Variants in VPS36 observed in about 807,000 individuals in gnomAD.
VPS36 encodes the protein vacuolar protein-sorting-associated protein 36.
VPS36 carries 31 observed loss-of-function variants against 63.5 expected under a neutral mutation model. The observed-to-expected ratio is 0.49, with a 90% confidence interval of 0.37 to 0.66. The LOEUF (loss-of-function observed/expected upper bound fraction) is 0.66, where lower values mean the gene tolerates loss of function less well. Among genes scored for constraint, VPS36 ranks in the 30% least tolerant of loss-of-function variants. VPS36 has a pLI of 0.00. For missense variants in VPS36, 338 were observed against 463.7 expected, an observed-to-expected ratio of 0.73 and a Z score of 2.49; for synonymous variants, 138 against 157.2, an observed-to-expected ratio of 0.88 and a Z score of 0.91.
At position 52,433,626 on chromosome 13, in the gene VPS36, G is replaced by A. The variant is rs754553944; in HGVS notation, c.528+36C>T. On this transcript the variant is annotated intron_variant, in intron 6 of 13. Transcript: ENST00000378060. ...GTATCTAAAAGAATAGACACAAATG[G>A]CTGGAATAGATGGAGAGCCAGAATT... The A allele has an allele frequency of 5.3e-6, 8 of 1,501,586 alleles. No individual in the cohort carries two copies. The South Asian group carries it at 5.8e-5, about 11-fold the overall frequency. 93.0% of individuals were successfully genotyped at this position (1,501,586 alleles called of 1,614,324 possible).
At position 52,439,819 on chromosome 13, in the gene VPS36, C is replaced by A. The variant is rs114359701; in HGVS notation, c.166-651G>T. ...TCGTAATATTTTCTTACACTGAAAG[C>A]AAAAAACAAATCAGATACATCAAGA... On this transcript the variant is annotated intron_variant, in intron 2 of 13. Transcript: ENST00000378060. Among the ~76,000 whole-genome samples, 1,120 of 152,084 alleles carry A rather than the reference C, an allele frequency of 7.4e-3. 6 individuals carry two copies. The highest frequency in any genetic ancestry group is 0.017 in the African/African-American group (698 of 41,518).
rs949465961 is a variant in VPS36, at chr13:52,412,622, TG to T, written c.*3207del. On this transcript the variant is annotated 3_prime_UTR_variant, in exon 14 of 14. Transcript: ENST00000378060. ...CAAAATTGCTATGTGTTCAAAAAAA[TG>T]TTTTTTTTATTGAATTGAATGGGAG... 3 of 152,282 alleles carry T rather than the reference TG, an allele frequency of 2.0e-5. No homozygotes were observed. Among genetic ancestry groups the T allele is most frequent in the East Asian group, 1.9e-4 (1 of 5,182 alleles). The allele number at this position is 152,282 out of a possible 1,614,324, so 9.4% of individuals were successfully genotyped here.
chr13:52,450,452 G>A (rs771891265), intron 1 of VPS36, 47 bp downstream of exon 1: 4 of 1,552,962 alleles, frequency 2.6e-6, no homozygotes, highest in South Asian at 1.2e-5. Context: ...CGCGCCCACC[G>A]GGGGTCCCTT....
chr13:52,446,464 G>C (rs1958344701), intron 1 of VPS36, among the ~76,000 whole-genome samples: 1 of 152,160 alleles, frequency 6.6e-6, no homozygotes, highest in Non-Finnish European at 1.5e-5. Flanking sequence ...TTGTGTAACA[G>C]TTCCCTTTCA....
chr13:52,436,250 C>CACACACAT (rs1363216548), intron 4 of VPS36, 40 bp downstream of exon 4: 3 of 1,419,182 alleles, frequency 2.1e-6, no homozygotes, highest in Non-Finnish European at 3.0e-6. Flanking sequence ...CACACACACA[C>CACACACAT]ACACCTTTCT....
At chr13:52,441,711 C>T (rs1439047711) in intron 2 of VPS36, among the ~76,000 whole-genome samples, 6 of 151,914 alleles carry the variant, frequency 3.9e-5, no homozygotes, top group African/African-American at 1.5e-4. Flanking sequence ...GAGATTGCGC[C>T]ACTGCACTCC....
intron 2 of VPS36, among the ~76,000 whole-genome samples, chr13:52,439,506 C>T (rs574211649): frequency 2.0e-5 from 3 of 151,730 alleles, no homozygotes; most frequent in Admixed American, 1.3e-4. Context: ...AGTGCAGTGG[C>T]GTGATCTCGG....
Position 52,442,326 on chromosome 13 carries a change from A to G in VPS36, c.165+51T>C, listed in dbSNP as rs749056576. 2.0e-5 allele frequency: 30 copies of G among 1,530,944 alleles called. No homozygotes were observed. In the South Asian group the frequency reaches 3.6e-4, roughly 18 times the overall value. 94.8% of individuals were successfully genotyped at this position (1,530,944 alleles called of 1,614,324 possible). A position where few individuals can be genotyped will look rare whatever the true frequency, so the allele number is the denominator to read the frequency against. The stretch of plus-strand genomic sequence containing the variant: ...ATACAGCGAGACCCTGTCTCTAAAA[A>G]ATAAATAAACAAAATAAAACCTACA... On this transcript the variant is annotated intron_variant, in intron 2 of 13. Transcript: ENST00000378060.
intron 6 of VPS36, among the ~76,000 whole-genome samples, chr13:52,431,561 G>C (rs1168508012): frequency 1.3e-5 from 2 of 151,510 alleles, no homozygotes; most frequent in Non-Finnish European, 2.9e-5. Flanking sequence ...TCAGGAGTTC[G>C]AGAGCAGCCT....
At chr13:52,449,681 T>C (rs1032163097) in intron 1 of VPS36, among the ~76,000 whole-genome samples, 8 of 152,246 alleles carry the variant, frequency 5.3e-5, no homozygotes, top group Non-Finnish European at 1.0e-4. Flanking sequence ...TTCCAGTTTA[T>C]CCATTTCAAT....
chr13:52,437,716 G>A (rs1400528974), intron 3 of VPS36, among the ~76,000 whole-genome samples: 1 of 152,094 alleles, frequency 6.6e-6, no homozygotes, highest in African/African-American at 2.4e-5. Context: ...GGATCATGAG[G>A]TCAGGAGATC....
At chr13:52,430,407 C>T (rs906124575) in intron 6 of VPS36, among the ~76,000 whole-genome samples, 6 of 151,956 alleles carry the variant, frequency 3.9e-5, no homozygotes, top group Non-Finnish European at 8.8e-5. Context: ...CTGAGGCGAC[C>T]GGATCACGAG....
At chr13:52,438,569 C>T (rs551444636) in intron 3 of VPS36, among the ~76,000 whole-genome samples, 3 of 152,154 alleles carry the variant, frequency 2.0e-5, no homozygotes, top group African/African-American at 7.2e-5. Flanking sequence ...GCCAAGTTTT[C>T]GGTACATTTG....
At chr13:52,421,243 T>C (rs1164810499) in intron 10 of VPS36, among the ~76,000 whole-genome samples, 1 of 152,174 alleles carries the variant, frequency 6.6e-6, no homozygotes, top group Non-Finnish European at 1.5e-5. Flanking sequence ...TGGAGGATAT[T>C]ATGTTAAGTG....
chr13:52,423,738 A>G lies in VPS36; in HGVS notation c.775-99T>C, dbSNP rs1958068824. On this transcript the variant is annotated intron_variant, in intron 9 of 13. Coordinates refer to ENST00000378060, the MANE Select transcript of VPS36 (RefSeq NM_016075.4). ...TAATCACAGTGAAATCAGAAATCAG[A>G]AAAATTTTTAAGAAGCTTATAAAAA... is the stretch of plus-strand genomic sequence containing the variant. 8.0e-6 allele frequency: 9 copies of G among 1,124,282 alleles called. No individual in the cohort carries two copies. In the East Asian group the frequency reaches 1.7e-4, roughly 22 times the overall value. 69.6% of individuals were successfully genotyped at this position (1,124,282 alleles called of 1,614,324 possible). A position where few individuals can be genotyped will look rare whatever the true frequency, so the allele number is the denominator to read the frequency against.
In VPS36 at chr13:52,439,251, C is replaced by CA. The variant is rs1490716625; in HGVS notation, c.166-84dup. On this transcript the variant is annotated intron_variant, in intron 2 of 13. Coordinates refer to ENST00000378060, the MANE Select transcript of VPS36 (RefSeq NM_016075.4). ...CAGAAATCCTTGTTTTATAGCATTA[C>CA]AGTGCCATATGCCTTAATAATAAAA... is the stretch of plus-strand genomic sequence containing the variant. 3.5e-6 allele frequency: 4 copies of CA among 1,131,074 alleles called. No homozygotes were observed. In the African/African-American group the frequency reaches 6.1e-5, roughly 17 times the overall value. 70.1% of individuals were successfully genotyped at this position (1,131,074 alleles called of 1,614,324 possible).
intron 9 of VPS36, among the ~76,000 whole-genome samples, chr13:52,424,925 T>A (rs767940359): frequency 1.3e-5 from 2 of 150,954 alleles, no homozygotes; most frequent in Non-Finnish European, 3.0e-5. Context: ...GAGGTAGAGG[T>A]TGCAGTGAGC....
intron 12 of VPS36, chr13:52,416,334 C>G (rs1957992010): frequency 4.2e-6 from 2 of 481,646 alleles, no homozygotes; most frequent in Non-Finnish European, 7.3e-6. Flanking sequence ...AGATCAAGCT[C>G]TCTATAATGT....
At chr13:52,440,970 C>T (rs1958270390) in intron 2 of VPS36, among the ~76,000 whole-genome samples, 1 of 152,094 alleles carries the variant, frequency 6.6e-6, no homozygotes, top group Non-Finnish European at 1.5e-5. Context: ...ACCTAGATCC[C>T]TTGCATGCAC....
Sources: gnomAD v4.1 joint callset for allele counts (sites outside exome capture counted in the v4.1 genomes callset) on GRCh38, gnomAD v4.1.1 for gene constraint, MANE v1.5 for transcripts, NCBI Gene and HGNC (gene_info 2026-07-23, HGNC 2026-07-21) for gene names.